Variants in ARHGEF7 observed in about 807,000 individuals in gnomAD.
ARHGEF7 encodes Rho guanine nucleotide exchange factor 7, also known as PAK-interacting exchange factor beta.
Under a neutral mutation model 109.8 loss-of-function variants are expected in ARHGEF7, and 33 were observed. The ratio of observed to expected loss-of-function variants is 0.30; its 90% CI spans 0.23 to 0.40. The LOEUF (loss-of-function observed/expected upper bound fraction) is 0.40. ARHGEF7 is among the 10% of genes least tolerant of loss of function. ARHGEF7 has a pLI of 1.00. For synonymous variants in ARHGEF7, 458 were observed against 424.6 expected (o/e 1.08, Z -0.97); for missense variants, 938 against 1,098.5 (o/e 0.85, Z 2.07).
chr13:111,248,415 T>C (rs1482404225), intron 8 of ARHGEF7, among the ~76,000 whole-genome samples: 1 of 152,214 alleles, frequency 6.6e-6, no homozygotes. Flanking sequence ...TTTATGTCTT[T>C]TACCAAATGT....
At chr13:111,283,561 A>C (rs146298220) in intron 16 of ARHGEF7, among the ~76,000 whole-genome samples, 198 bp downstream of exon 16, 43 of 152,302 alleles carry the variant, frequency 2.8e-4, no homozygotes, top group African/African-American at 9.6e-4. Flanking sequence ...TGGGAAGGCG[A>C]TGTGCAGGGT....
At chr13:111,278,269 G>T (rs2092600661) in intron 13 of ARHGEF7, among the ~76,000 whole-genome samples, 1 of 152,126 alleles carries the variant, frequency 6.6e-6, no homozygotes, top group South Asian at 2.1e-4. Context: ...TGAAGGAGCT[G>T]GTATTTTCGC....
intron 4 of ARHGEF7, among the ~76,000 whole-genome samples, chr13:111,210,291 G>A (rs924353256): frequency 2.0e-5 from 3 of 152,142 alleles, no homozygotes; most frequent in Non-Finnish European, 4.4e-5. Context: ...CACACCCCTT[G>A]TCATTTGCAT....
chr13:111,115,617 C>T lies in ARHGEF7; in HGVS notation c.91C>T (p.Leu31=). The T allele has an allele frequency of 7.1e-7, 1 of 1,406,700 alleles. No individual in the cohort carries two copies. The highest frequency in any genetic ancestry group is 1.4e-5 in the South Asian group (1 of 71,710). 87.1% of individuals were successfully genotyped at this position (1,406,700 alleles called of 1,614,324 possible). A position where few individuals can be genotyped will look rare whatever the true frequency, so the allele number is the denominator to read the frequency against. The change falls in exon 1 of 22, where the codon CTG becomes TTG. Residue 31 remains leucine (L), a synonymous_variant. Coordinates refer to ENST00000646102, the MANE Select transcript of ARHGEF7 (RefSeq NM_001354046.2). ...KKTISDPEGF[L]QASLKDGVVL... ...AACCATCTCGGACCCGGAGGGCTTT[C>T]TGCAGGCGTCGCTGAAGGATGGGGT... is the stretch of plus-strand genomic sequence containing the variant.
chr13:111,290,016 C>G (rs1387049093), intron 18 of ARHGEF7, among the ~76,000 whole-genome samples: 1 of 152,172 alleles, frequency 6.6e-6, no homozygotes, highest in African/African-American at 2.4e-5. Context: ...TATAATCACA[C>G]AATAACGTCT....
Position 111,221,334 on chromosome 13 carries a change from T to C in ARHGEF7, c.670+3454T>C, listed in dbSNP as rs1265177798. 3.3e-3 allele frequency among the ~76,000 whole-genome samples: 45 copies of C among 13,580 alleles called. 15 individuals are homozygous for C. The highest frequency in any genetic ancestry group is 5.8e-3 in the Non-Finnish European group (39 of 6,730). 8.9% of individuals were successfully genotyped at this position (13,580 alleles called of 152,430 possible). ...ATCTATATATAGATATATATGTCTA[T>C]ATATATCTATATATATGTCTATATA... On this transcript the variant is annotated intron_variant, in intron 5 of 21. Transcript: ENST00000646102.
intron 1 of ARHGEF7, among the ~76,000 whole-genome samples, chr13:111,128,100 G>A (rs2067697744): frequency 1.3e-5 from 2 of 152,184 alleles, no homozygotes; most frequent in Non-Finnish European, 2.9e-5. Flanking sequence ...TACAGCCTAT[G>A]TGAGACTCAA....
At position 111,205,270 on chromosome 13, in the gene ARHGEF7, G is replaced by A; in HGVS notation, c.253-19G>A. On this transcript the variant is annotated intron_variant, in intron 2 of 21. Coordinates refer to ENST00000646102, the MANE Select transcript of ARHGEF7 (RefSeq NM_001354046.2). Reference sequence around the variant, plus strand: ...ACATAAGACTCTACTAATTTTGCTTGTTTAATTTTTCCTTTCAGACGTTTG... The same window carrying A: ...ACATAAGACTCTACTAATTTTGCTTATTTAATTTTTCCTTTCAGACGTTTG... 6.3e-7 allele frequency: 1 copy of A among 1,590,430 alleles called. No homozygotes were observed. The highest frequency in any genetic ancestry group is 1.2e-5 in the South Asian group (1 of 86,466).
intron 5 of ARHGEF7, among the ~76,000 whole-genome samples, chr13:111,231,063 T>C (rs1272061300): frequency 2.6e-5 from 4 of 152,174 alleles, no homozygotes; most frequent in African/African-American, 9.7e-5. Context: ...AGATTCAGGG[T>C]CACTGTTACG....
intron 2 of ARHGEF7, among the ~76,000 whole-genome samples, chr13:111,195,189 G>T (rs1334006990): frequency 6.6e-6 from 1 of 152,190 alleles, no homozygotes; most frequent in African/African-American, 2.4e-5. Context: ...TTTGGACTGG[G>T]TGGGCATTTT....
Position 111,239,143 on chromosome 13 carries a change from G to A in ARHGEF7, c.760-4729G>A, listed in dbSNP as rs1393435337. ...TGCCCCTGCTCCCCCACACCCCCGT[G>A]CCATGATTCAGTTACCTCCACCCTG... On this transcript the variant is annotated intron_variant, in intron 6 of 21. Transcript: ENST00000646102. This position sits in a 1 kb window ranked among gnomAD's most constrained non-coding sequence, Gnocchi z 4.3. 6.6e-6 allele frequency among the ~76,000 whole-genome samples: 1 copy of A among 152,114 alleles called. No homozygotes were observed. Among genetic ancestry groups the A allele is most frequent in the Non-Finnish European group, 1.5e-5 (1 of 68,014 alleles).
intron 1 of ARHGEF7, among the ~76,000 whole-genome samples, chr13:111,148,010 A>G (rs143038937): frequency 6.6e-6 from 1 of 152,206 alleles, no homozygotes; most frequent in African/African-American, 2.4e-5. Flanking sequence ...GTCACCTTTT[A>G]TGCTGGTTAA....
intron 2 of ARHGEF7, among the ~76,000 whole-genome samples, chr13:111,177,223 C>T (rs1039596604): frequency 2.0e-5 from 3 of 152,256 alleles, no homozygotes; most frequent in Non-Finnish European, 2.9e-5. Context: ...CAGGGCCACA[C>T]AGCTGGTGCA....
intron 2 of ARHGEF7, among the ~76,000 whole-genome samples, chr13:111,191,535 G>T (rs115353693): frequency 0.012 from 1,781 of 152,318 alleles, 28 homozygotes; most frequent in African/African-American, 0.039. Flanking sequence ...TAATGAGGGT[G>T]ATAGGTTAAG....
At chr13:111,302,785 G>T (rs948945360) in intron 21 of ARHGEF7, among the ~76,000 whole-genome samples, 1 of 152,130 alleles carries the variant, frequency 6.6e-6, no homozygotes, top group Non-Finnish European at 1.5e-5. Flanking sequence ...TTTCCATCCC[G>T]GGAACAGCAG....
chr13:111,214,482 T>TGACGTTG (rs1434740513), intron 4 of ARHGEF7, among the ~76,000 whole-genome samples: 6 of 152,204 alleles, frequency 3.9e-5, no homozygotes, highest in Non-Finnish European at 5.9e-5. Flanking sequence ...CGTGCCCAGG[T>TGACGTTG]GACGTTGGAT....
intron 2 of ARHGEF7, among the ~76,000 whole-genome samples, chr13:111,198,804 A>C (rs1055368468): frequency 2.8e-4 from 43 of 152,068 alleles, no homozygotes; most frequent in African/African-American, 1.0e-3. Context: ...TTATTCCCTT[A>C]TTTGGCCCTG....
intron 4 of ARHGEF7, among the ~76,000 whole-genome samples, 191 bp from the exon 5 acceptor site, chr13:111,217,488 G>T (rs2083280440): frequency 6.6e-6 from 1 of 152,242 alleles, no homozygotes; most frequent in African/African-American, 2.4e-5. Context: ...TGTGAAGAGG[G>T]TGTCCTCTGG....
chr13:111,123,740 A>G (rs2067349442), intron 1 of ARHGEF7, among the ~76,000 whole-genome samples: 2 of 152,138 alleles, frequency 1.3e-5, no homozygotes. Flanking sequence ...TGCCCATAAT[A>G]ATGGATTTAA....
Sources: gnomAD v4.1 joint callset for allele counts (sites outside exome capture counted in the v4.1 genomes callset) on GRCh38, gnomAD v4.1.1 for gene constraint, Gnocchi (gnomAD v3.1) non-coding constraint, MANE v1.5 for transcripts, NCBI Gene and HGNC (gene_info 2026-07-23, HGNC 2026-07-21) for gene names.